IGF1: variants seen among roughly 807,000 people sequenced by gnomAD.
IGF1 encodes insulin-like growth factor 1.
In IGF1, 4 loss-of-function variants were observed where a neutral mutation model predicts 13.8. The ratio of observed to expected loss-of-function variants is 0.29; its 90% CI spans 0.14 to 0.66. The LOEUF (loss-of-function observed/expected upper bound fraction) is 0.66. Among genes scored for constraint, IGF1 ranks in the 30% least tolerant of loss-of-function variants. The pLI is 0.78. For synonymous variants in IGF1, 76 were observed against 72.6 expected (o/e 1.05, Z -0.23); for missense variants, 124 against 188.5 (o/e 0.66, Z 2.00).
At chr12:102,414,292 G>T (rs985645545) in intron 3 of IGF1, among the ~76,000 whole-genome samples, 1 of 152,082 alleles carries the variant, frequency 6.6e-6, no homozygotes, top group African/African-American at 2.4e-5. Flanking sequence ...TTTAACAGAT[G>T]AGGAAACTGA....
intron 2 of IGF1, among the ~76,000 whole-genome samples, chr12:102,420,016 T>C (rs1264557018): frequency 6.6e-6 from 1 of 152,228 alleles, no homozygotes; most frequent in Non-Finnish European, 1.5e-5. Flanking sequence ...CAGAGGATGA[T>C]AGAAATATTA....
At chr12:102,469,238 C>T (rs1358478494) in intron 2 of IGF1, among the ~76,000 whole-genome samples, 2 of 152,158 alleles carry the variant, frequency 1.3e-5, no homozygotes, top group East Asian at 3.8e-4. Context: ...CCCATTACTA[C>T]GACTCTAATA....
intron 2 of IGF1, among the ~76,000 whole-genome samples, chr12:102,430,242 C>A (rs971270367): frequency 1.3e-5 from 2 of 152,122 alleles, no homozygotes; most frequent in African/African-American, 2.4e-5. Context: ...AACAGGGCAG[C>A]CTCCATTCTC....
chr12:102,448,551 A>C, intron 2 of IGF1, among the ~76,000 whole-genome samples: 1 of 67,138 alleles, frequency 1.5e-5, no homozygotes, highest in African/African-American at 6.2e-5. Flanking sequence ...GGGTGGGGGG[A>C]GGGGGGAGGG....
Position 102,466,311 on chromosome 12 carries a change from C to T in IGF1, c.220+9332G>A, listed in dbSNP as rs139026579. Among the ~76,000 whole-genome samples, 76 of 152,280 alleles carry T rather than the reference C, an allele frequency of 5.0e-4. 2 individuals are homozygous for T. In the East Asian group the frequency reaches 0.014, roughly 29 times the overall value. ...CATGGTTTTCCAATCTCTCTAATTG[C>T]CTCTCTTCTGGAGACTTGTCTAGTC... is the stretch of plus-strand genomic sequence containing the variant. On this transcript the variant is annotated intron_variant, in intron 2 of 3. Transcript: ENST00000337514.
At chr12:102,439,965 C>T (rs973673940) in intron 2 of IGF1, among the ~76,000 whole-genome samples, 28 of 152,218 alleles carry the variant, frequency 1.8e-4, no homozygotes, top group African/African-American at 5.3e-4. Context: ...TGACCCCAGG[C>T]GCTGTGGGAA....
chr12:102,435,665 C>T (rs1175062642), intron 2 of IGF1, among the ~76,000 whole-genome samples: 4 of 152,334 alleles, frequency 2.6e-5, no homozygotes, highest in South Asian at 2.1e-4. Flanking sequence ...TCTCCACCCA[C>T]ATACTTGTCC....
At chr12:102,417,577 T>A (rs780035424) in intron 3 of IGF1, 114 of 1,223,792 alleles carry the variant, frequency 9.3e-5, no homozygotes, top group South Asian at 3.6e-4. Context: ...TTTTATTTTT[T>A]TTTTTCATTT....
At chr12:102,414,074 T>C (rs1318404475) in intron 3 of IGF1, among the ~76,000 whole-genome samples, 1 of 152,132 alleles carries the variant, frequency 6.6e-6, no homozygotes, top group Non-Finnish European at 1.5e-5. Flanking sequence ...TTTTCAGAGG[T>C]AAGTAAAATA....
In IGF1 at chr12:102,401,648, C is replaced by T. The variant is rs895811861; in HGVS notation, c.*859G>A. 1 of 152,552 alleles carries T rather than the reference C, an allele frequency of 6.6e-6. No individual in the cohort carries two copies. The highest frequency in any genetic ancestry group is 1.5e-5 in the Non-Finnish European group (1 of 68,042). The allele number at this position is 152,552 out of a possible 1,614,324, so 9.4% of individuals were successfully genotyped here. A position where few individuals can be genotyped will look rare whatever the true frequency, so the allele number is the denominator to read the frequency against. ...AGTTTTACATACTGTTTGATATATC[C>T]TGTATAATTGATATGCTAAATTTAC... On this transcript the variant is annotated 3_prime_UTR_variant, in exon 4 of 4. Transcript: ENST00000337514.
chr12:102,422,168 G>T (rs1875785301), intron 2 of IGF1, among the ~76,000 whole-genome samples: 1 of 152,162 alleles, frequency 6.6e-6, no homozygotes, highest in African/African-American at 2.4e-5. Context: ...TTTAGGTACA[G>T]AGAATTTTAG....
upstream of IGF1, chr12:102,481,796 A>T (rs1419231600): frequency 6.7e-6 from 1 of 148,678 alleles, no homozygotes. Flanking sequence ...TTTCCACATG[A>T]CTCTCAGGGG....
At chr12:102,476,451 C>G (rs1203347568) in intron 1 of IGF1, among the ~76,000 whole-genome samples, 3 of 117,658 alleles carry the variant, frequency 2.5e-5, no homozygotes, top group African/African-American at 8.7e-5. Flanking sequence ...GAGACTGATT[C>G]CTTACCTGGG....
chr12:102,477,617 C>A (rs1881143303), intron 1 of IGF1, among the ~76,000 whole-genome samples: 1 of 151,668 alleles, frequency 6.6e-6, no homozygotes, highest in Non-Finnish European at 1.5e-5. Flanking sequence ...ATCCAACCCA[C>A]CTGGACCTCG....
Position 102,427,935 on chromosome 12 carries a change from C to T in IGF1, c.221-8245G>A, listed in dbSNP as rs534367916. On this transcript the variant is annotated intron_variant, in intron 2 of 3. Transcript: ENST00000337514. ...GTTGGGTTGTGTGTGATGTCCCTTT[C>T]ATGCTGGTGTATCAACAGTGTTGTT... is the stretch of plus-strand genomic sequence containing the variant. 2.6e-5 allele frequency among the ~76,000 whole-genome samples: 4 copies of T among 152,126 alleles called. No homozygotes were observed. The East Asian group carries it at 7.8e-4, about 30-fold the overall frequency.
intron 1 of IGF1, among the ~76,000 whole-genome samples, chr12:102,478,246 G>T (rs775578083): frequency 7.5e-4 from 106 of 141,394 alleles, no homozygotes; most frequent in Admixed American, 3.0e-3. Context: ...AAACACAAAA[G>T]AAATCAATAG....
intron 2 of IGF1, among the ~76,000 whole-genome samples, chr12:102,472,322 G>C (rs1267562628): frequency 6.6e-6 from 1 of 152,014 alleles, no homozygotes; most frequent in South Asian, 2.1e-4. Flanking sequence ...TGGAACTTGG[G>C]CTTGAAGGGG....
chr12:102,413,772 T>C (rs1874844722), intron 3 of IGF1, among the ~76,000 whole-genome samples: 2 of 152,202 alleles, frequency 1.3e-5, no homozygotes, highest in Non-Finnish European at 2.9e-5. Context: ...TAATTTTAAC[T>C]GGTTGAGAAA....
intron 2 of IGF1, among the ~76,000 whole-genome samples, chr12:102,444,931 C>T (rs1303872009): frequency 6.6e-6 from 1 of 152,060 alleles, no homozygotes; most frequent in Non-Finnish European, 1.5e-5. Flanking sequence ...GGCCTCCACT[C>T]AAGAGCCAAA....
Sources: allele counts gnomAD v4.1 joint callset (sites outside exome capture counted in the v4.1 genomes callset), GRCh38; gene constraint gnomAD v4.1.1; transcripts MANE v1.5; gene names NCBI Gene and HGNC (gene_info 2026-07-23, HGNC 2026-07-21).